The following PDE1C variants were observed in gnomAD, a reference collection of about 807,000 sequenced individuals.
PDE1C encodes dual specificity calcium/calmodulin-dependent 3',5'-cyclic nucleotide phosphodiesterase 1C.
A neutral mutation model predicts 93.1 loss-of-function variants in PDE1C; 62 were observed. That is an observed-to-expected ratio of 0.67 (90% CI 0.54 to 0.82). The LOEUF (loss-of-function observed/expected upper bound fraction) is 0.82, where lower values mean the gene tolerates loss of function less well. Among genes scored for constraint, PDE1C ranks in the 40% least tolerant of loss-of-function variants. The pLI, the probability that PDE1C is intolerant of heterozygous loss-of-function variation, is 0.00. For synonymous variants in PDE1C, 325 were observed against 310.1 expected (o/e 1.05, Z -0.50); for missense variants, 742 against 884.6 (o/e 0.84, Z 2.04).
At chr7:32,245,699 A>G (rs544309855) in intron 1 of PDE1C, among the ~76,000 whole-genome samples, 2 of 152,314 alleles carry the variant, frequency 1.3e-5, no homozygotes, top group East Asian at 1.9e-4. Flanking sequence ...TTTATCTCTC[A>G]TAGTTCTGGA....
the PDE1C span, among the ~76,000 whole-genome samples, chr7:31,712,620 G>A: frequency 3.3e-5 from 5 of 152,168 alleles, no homozygotes; most frequent in Non-Finnish European, 7.4e-5. Context: ...CTGGTGTCAT[G>A]GCTTCAGAAT....
intron 1 of PDE1C, among the ~76,000 whole-genome samples, chr7:32,409,155 G>A (rs955129414): frequency 6.6e-5 from 10 of 152,040 alleles, no homozygotes; most frequent in East Asian, 3.9e-4. Context: ...CCAGGAGTTC[G>A]AGACCAGCCT....
the PDE1C span, among the ~76,000 whole-genome samples, chr7:31,657,984 GATTCCATTT>G: frequency 6.6e-6 from 1 of 152,118 alleles, no homozygotes; most frequent in Non-Finnish European, 1.5e-5. Context: ...ATTCCATCCA[GATTCCATTT>G]ATTCAAAGCC....
intron 3 of PDE1C, among the ~76,000 whole-genome samples, chr7:32,080,501 C>G (rs4723124): frequency 0.97 from 148,456 of 152,326 alleles, 72,370 homozygotes; most frequent in East Asian, 1. Context: ...CTCAGGGAAA[C>G]GCAAAAAGCA....
At chr7:32,095,682 C>T (rs570051123) in intron 3 of PDE1C, among the ~76,000 whole-genome samples, 2 of 152,204 alleles carry the variant, frequency 1.3e-5, no homozygotes, top group Non-Finnish European at 2.9e-5. Context: ...GTGCAATCTT[C>T]ATCAGTTTAG....
At chr7:32,219,269 T>G (rs568200380) in intron 1 of PDE1C, among the ~76,000 whole-genome samples, 1 of 151,930 alleles carries the variant, frequency 6.6e-6, no homozygotes, top group South Asian at 2.1e-4. Context: ...GATGATGGAG[T>G]CTGCCCAGGG....
intron 1 of PDE1C, among the ~76,000 whole-genome samples, chr7:32,228,172 A>G (rs1484680437): frequency 6.6e-6 from 1 of 152,232 alleles, no homozygotes; most frequent in Non-Finnish European, 1.5e-5. Context: ...ACAAGAAGAG[A>G]CTAGAGAACC....
At chr7:32,256,513 C>G (rs952924817) in intron 1 of PDE1C, among the ~76,000 whole-genome samples, 1 of 152,198 alleles carries the variant, frequency 6.6e-6, no homozygotes, top group Non-Finnish European at 1.5e-5. Context: ...CCCCTGAGAG[C>G]CTGTTTTTCC....
chr7:32,312,095 T>C (rs1233416853), intron 1 of PDE1C, among the ~76,000 whole-genome samples: 1 of 151,664 alleles, frequency 6.6e-6, no homozygotes, highest in Non-Finnish European at 1.5e-5. Context: ...ATCACAAGCA[T>C]TCTTATACAC....
rs1365566317 is a variant in PDE1C, at chr7:32,398,109, C to G, written c.310+29713G>C. Among the ~76,000 whole-genome samples the G allele has an allele frequency of 2.7e-5, 4 of 150,832 alleles. No homozygotes were observed. The South Asian group carries it at 8.4e-4, about 32-fold the overall frequency. On this transcript the variant is annotated intron_variant, in intron 1 of 1. Transcript: ENST00000672256. ...CGGAGCTTGCAGTGAGCCGAGATCG[C>G]GCCACTGCACTCCAGCCTGGGCTGC... is the stretch of plus-strand genomic sequence containing the variant.
At chr7:32,217,259 G>A (rs1260262737) in intron 1 of PDE1C, among the ~76,000 whole-genome samples, 2 of 152,178 alleles carry the variant, frequency 1.3e-5, no homozygotes, top group South Asian at 2.1e-4. Context: ...GAGGCAAATC[G>A]TATTCTCTTT....
At chr7:32,142,668 C>T (rs1358220894) in intron 3 of PDE1C, among the ~76,000 whole-genome samples, 1 of 152,154 alleles carries the variant, frequency 6.6e-6, no homozygotes, top group Non-Finnish European at 1.5e-5. Context: ...TTTTTCTCTC[C>T]TGTTCTCTGG....
chr7:31,630,374 T>A, the PDE1C span, among the ~76,000 whole-genome samples: 3 of 152,074 alleles, frequency 2.0e-5, no homozygotes, highest in African/African-American at 7.2e-5. Flanking sequence ...AGATAACAAT[T>A]TATGATGCAG....
chr7:32,160,200 C>A (rs1273444570), intron 3 of PDE1C, among the ~76,000 whole-genome samples: 3 of 152,042 alleles, frequency 2.0e-5, no homozygotes, highest in Non-Finnish European at 4.4e-5. Flanking sequence ...GAGGGGACTT[C>A]TGAACCAATG....
At chr7:31,822,885 G>T (rs1194880061) in intron 14 of PDE1C, among the ~76,000 whole-genome samples, 188 bp downstream of exon 14, 1 of 152,196 alleles carries the variant, frequency 6.6e-6, no homozygotes, top group African/African-American at 2.4e-5. Context: ...CAGGAGGCTT[G>T]CAGGTCTGCT....
chr7:32,249,800 C>T (rs1245240584), intron 1 of PDE1C, among the ~76,000 whole-genome samples: 2 of 152,082 alleles, frequency 1.3e-5, no homozygotes, highest in Non-Finnish European at 2.9e-5. Context: ...GGAGTCATAC[C>T]TTCTGTGGGG....
At chr7:32,313,911 A>G (rs1783111784) in intron 1 of PDE1C, among the ~76,000 whole-genome samples, 2 of 152,038 alleles carry the variant, frequency 1.3e-5, no homozygotes, top group African/African-American at 4.8e-5. Flanking sequence ...TAATAATAAT[A>G]AAATAAAATA....
chr7:31,699,614 C>T, the PDE1C span, among the ~76,000 whole-genome samples: 263 of 151,802 alleles, frequency 1.7e-3, 1 homozygote, highest in African/African-American at 6.1e-3. Flanking sequence ...TTTCTCTTCA[C>T]TTTTTTGTGC....
intron 2 of PDE1C, among the ~76,000 whole-genome samples, chr7:31,891,711 G>T (rs1469389371): frequency 6.6e-6 from 1 of 151,784 alleles, no homozygotes; most frequent in Non-Finnish European, 1.5e-5. Flanking sequence ...GGCAACAAAG[G>T]GAACCTACTG....
Sources: allele counts gnomAD v4.1 joint callset (sites outside exome capture counted in the v4.1 genomes callset), GRCh38; gene constraint gnomAD v4.1.1; transcripts MANE v1.5; gene names NCBI Gene and HGNC (gene_info 2026-07-23, HGNC 2026-07-21).